Variants in PIEZO2 observed in about 807,000 individuals in gnomAD.
The protein encoded by PIEZO2 is piezo type mechanosensitive ion channel component 2.
PIEZO2 carries 172 observed loss-of-function variants against 337.3 expected under a neutral mutation model. The observed-to-expected ratio is 0.51, with a 90% CI of 0.45 to 0.58. The LOEUF (loss-of-function observed/expected upper bound fraction) is 0.58. Ranked by LOEUF, PIEZO2 falls within the 20% of genes least tolerant of loss-of-function variation. PIEZO2 has a pLI of 0.00. For synonymous variants in PIEZO2, 1,251 were observed against 1,228.5 expected, an observed-to-expected ratio of 1.02 and a Z score of -0.38; for missense variants, 3,028 against 3,391.3, an observed-to-expected ratio of 0.89 and a Z score of 2.66.
Position 10,672,712 on chromosome 18 carries a change from G to A in PIEZO2, c.8323C>T (p.Leu2775=). ...TACCCATAGCCAGCCAGGAACCCCA[G>A]ACTTGGGGGACTGACTTTGTCATTG... ...VFNDKVSPPS[L]GFLAGYGIMG... Residue 2775 remains leucine (L), a synonymous_variant, in exon 55 of 56, where the codon CTG becomes TTG. Transcript: ENST00000674853. This position sits in a 1 kb window ranked among gnomAD's most constrained non-coding sequence, Gnocchi z 4.7. 1 of 1,613,988 alleles carries A rather than the reference G, an allele frequency of 6.2e-7. No homozygotes were observed. Among genetic ancestry groups the A allele is most frequent in the Non-Finnish European group, 8.5e-7 (1 of 1,179,950 alleles).
chr18:10,684,917 G>C (rs889796020), intron 49 of PIEZO2, among the ~76,000 whole-genome samples: 1 of 136,284 alleles, frequency 7.3e-6, no homozygotes, highest in South Asian at 2.3e-4. Context: ...ACCCAGACCA[G>C]AGTGCGGTGT....
intron 36 of PIEZO2, among the ~76,000 whole-genome samples, chr18:10,728,841 G>A (rs1413609957): frequency 6.6e-6 from 1 of 151,414 alleles, no homozygotes; most frequent in Non-Finnish European, 1.5e-5. Flanking sequence ...TGTAGTCCCA[G>A]CTACGTGGGA....
In PIEZO2 at chr18:11,075,688, A is replaced by C. The variant is rs185275757; in HGVS notation, c.65-9466T>G. Among the ~76,000 whole-genome samples the C allele has an allele frequency of 4.5e-3, 684 of 152,302 alleles. 2 individuals carry two copies. The highest frequency in any genetic ancestry group is 0.016 in the African/African-American group (651 of 41,556). On this transcript the variant is annotated intron_variant, in intron 1 of 55. Coordinates refer to ENST00000674853, the MANE Select transcript of PIEZO2 (RefSeq NM_001378183.1). ...TCAGAAAGGCAAGACATATGCTTAC[A>C]TACGTATTCTTATCACGTAGCACCT... is the stretch of plus-strand genomic sequence containing the variant.
intron 15 of PIEZO2, among the ~76,000 whole-genome samples, 190 bp downstream of exon 15, chr18:10,788,889 A>C (rs941264119): frequency 7.9e-5 from 12 of 152,212 alleles, no homozygotes; most frequent in African/African-American, 2.9e-4. Flanking sequence ...CCAGCCCTGA[A>C]ATTCTGAAAT....
In PIEZO2 at chr18:10,776,655, T is replaced by C. The variant is rs185005238; in HGVS notation, c.2535-2617A>G. On this transcript the variant is annotated intron_variant, in intron 18 of 55. Coordinates refer to ENST00000674853, the MANE Select transcript of PIEZO2 (RefSeq NM_001378183.1). ...AGGGTTCTGTTTACTGGGCTTTCTGTGTGTAATCTCAACTACTGCATTCCC... is the reference window on the plus strand; with the variant it reads ...AGGGTTCTGTTTACTGGGCTTTCTGCGTGTAATCTCAACTACTGCATTCCC... Among the ~76,000 whole-genome samples, 43 of 152,346 alleles carry C rather than the reference T, an allele frequency of 2.8e-4. No homozygotes were observed. In the East Asian group the frequency reaches 6.0e-3, roughly 21 times the overall value.
intron 1 of PIEZO2, among the ~76,000 whole-genome samples, chr18:11,144,987 T>C (rs967272276): frequency 6.6e-6 from 1 of 152,198 alleles, no homozygotes; most frequent in African/African-American, 2.4e-5. Context: ...ATCATATACC[T>C]AAAGACGGGT....
intron 4 of PIEZO2, among the ~76,000 whole-genome samples, chr18:10,904,194 C>T (rs2043118809): frequency 6.6e-6 from 1 of 152,144 alleles, no homozygotes; most frequent in Non-Finnish European, 1.5e-5. Flanking sequence ...AAGACCAAGA[C>T]CTATTCTTCC....
intron 2 of PIEZO2, among the ~76,000 whole-genome samples, chr18:11,053,832 G>A (rs543105969): frequency 1.4e-4 from 22 of 151,958 alleles, no homozygotes; most frequent in African/African-American, 4.8e-4. Flanking sequence ...CCTGGACAAC[G>A]TGGTAAAACC....
At chr18:11,014,430 C>CAT (rs1231580430) in intron 2 of PIEZO2, among the ~76,000 whole-genome samples, 1 of 136,186 alleles carries the variant, frequency 7.3e-6, no homozygotes, top group African/African-American at 2.7e-5. Flanking sequence ...GACAGCGATC[C>CAT]GGAGCCCCTC....
rs144430819 is a variant in PIEZO2 at position 10,721,422 on chromosome 18, G to A, written c.5030-3163C>T. Among the ~76,000 whole-genome samples, 4 of 152,292 alleles carry A rather than the reference G, an allele frequency of 2.6e-5. No individual in the cohort carries two copies. In the East Asian group the frequency reaches 5.8e-4, roughly 22 times the overall value. ...AAAAGAGTATCTTTAAGTTATTGCT[G>A]TCTTTGATTGGTAGGTTAAGAGTGC... On this transcript the variant is annotated intron_variant, in intron 36 of 55. Coordinates refer to ENST00000674853, the MANE Select transcript of PIEZO2 (RefSeq NM_001378183.1).
chr18:10,712,877 C>A (rs116246501), intron 39 of PIEZO2, among the ~76,000 whole-genome samples: 1 of 152,106 alleles, frequency 6.6e-6, no homozygotes, highest in Non-Finnish European at 1.5e-5. Context: ...GAAATCATAA[C>A]GAGTTTCTGT....
chr18:10,725,469 G>A (rs575852244), intron 36 of PIEZO2: 8 of 1,550,252 alleles, frequency 5.2e-6, no homozygotes, highest in Middle Eastern at 2.3e-4. Context: ...AGGTCAGGGT[G>A]TGGGTATCCG....
At chr18:10,933,001 AT>A (rs1183871053) in intron 3 of PIEZO2, among the ~76,000 whole-genome samples, 2 of 152,100 alleles carry the variant, frequency 1.3e-5, no homozygotes, top group African/African-American at 4.8e-5. Context: ...GGGAAGGGGC[AT>A]TTAGGCACAA....
intron 3 of PIEZO2, among the ~76,000 whole-genome samples, chr18:10,933,467 T>C (rs1478687069): frequency 1.3e-5 from 2 of 152,188 alleles, no homozygotes; most frequent in Non-Finnish European, 2.9e-5. Context: ...AGAGAGTTAA[T>C]TATGTGTCCC....
chr18:11,010,384 T>C (rs1465396590), intron 2 of PIEZO2, among the ~76,000 whole-genome samples: 3 of 152,182 alleles, frequency 2.0e-5, no homozygotes, highest in Non-Finnish European at 4.4e-5. Context: ...TCAACATGTT[T>C]TGAGAAGTGT....
intron 2 of PIEZO2, among the ~76,000 whole-genome samples, chr18:11,061,724 G>A (rs1331878504): frequency 6.6e-6 from 1 of 152,040 alleles, no homozygotes; most frequent in Admixed American, 6.6e-5. Context: ...TCTTCAAGGA[G>A]AACTACAAAC....
At chr18:10,873,363 A>G (rs1312657617) in intron 4 of PIEZO2, among the ~76,000 whole-genome samples, 1 of 152,200 alleles carries the variant, frequency 6.6e-6, no homozygotes, top group African/African-American at 2.4e-5. Context: ...ACTTCCCAAA[A>G]GCCACATAGA....
rs371289952 is a variant in PIEZO2 at position 10,684,449 on chromosome 18, A to G, written c.7498-2157T>C. ...CAAAGTGCTGGGATTACAAGCGTGA[A>G]CCACTGCGCCCGGCCTGTTTTTTTT... On this transcript the variant is annotated intron_variant, in intron 49 of 55. Coordinates refer to ENST00000674853, the MANE Select transcript of PIEZO2 (RefSeq NM_001378183.1). Among the ~76,000 whole-genome samples, 614 of 123,622 alleles carry G rather than the reference A, an allele frequency of 5.0e-3. 5 individuals are homozygous for G. The highest frequency in any genetic ancestry group is 0.018 in the African/African-American group (578 of 32,266). 81.1% of individuals were successfully genotyped at this position (123,622 alleles called of 152,430 possible).
chr18:10,864,205 C>G (rs75718880), intron 5 of PIEZO2, among the ~76,000 whole-genome samples: 1 of 152,148 alleles, frequency 6.6e-6, no homozygotes. Flanking sequence ...TCAGAATCAA[C>G]AGTATTCCTT....
Sources: allele counts gnomAD v4.1 joint callset (sites outside exome capture counted in the v4.1 genomes callset), GRCh38; gene constraint gnomAD v4.1.1; non-coding constraint Gnocchi (gnomAD v3.1); transcripts MANE v1.5; gene names NCBI Gene and HGNC (gene_info 2026-07-23, HGNC 2026-07-21).